PAQR5: variants seen among roughly 807,000 people sequenced by gnomAD.
PAQR5 encodes progestin and adipoQ receptor family member 5.
PAQR5 carries 20 observed loss-of-function variants against 34.5 expected under a neutral mutation model. That is an observed-to-expected ratio of 0.58 (90% confidence interval 0.41 to 0.84). PAQR5 has a LOEUF of 0.84. Among genes scored for constraint, PAQR5 ranks in the 40% least tolerant of loss-of-function variants. The probability of loss-of-function intolerance (pLI) is 0.00; values close to 1 mark genes in which losing one functional copy is unlikely to be tolerated. For synonymous variants in PAQR5, 131 were observed against 155.6 expected (o/e 0.84, Z 1.18); for missense variants, 378 against 412.7 (o/e 0.92, Z 0.73).
intron 6 of PAQR5, among the ~76,000 whole-genome samples, chr15:69,392,778 G>A (rs1281988921): frequency 2.6e-5 from 4 of 152,148 alleles, no homozygotes; most frequent in Non-Finnish European, 5.9e-5. Flanking sequence ...GGATATTGAA[G>A]GAGGTAGAAC....
At chr15:69,371,309 T>C (rs1400564387) in intron 3 of PAQR5, among the ~76,000 whole-genome samples, 1 of 152,122 alleles carries the variant, frequency 6.6e-6, no homozygotes, top group Non-Finnish European at 1.5e-5. Flanking sequence ...TTGAAGCCAG[T>C]TTGAGCAAGA....
chr15:69,368,297 C>T (rs1277072410), intron 3 of PAQR5, among the ~76,000 whole-genome samples: 2 of 152,246 alleles, frequency 1.3e-5, no homozygotes, highest in African/African-American at 4.8e-5. Flanking sequence ...AGGTGATCTG[C>T]CTGCCTTGGC....
chr15:69,312,443 C>T (rs1344980018), intron 1 of PAQR5, among the ~76,000 whole-genome samples: 1 of 151,934 alleles, frequency 6.6e-6, no homozygotes, highest in Non-Finnish European at 1.5e-5. Context: ...CTTTTGGTTA[C>T]CACATTAACA....
At chr15:69,327,654 G>A (rs1428730188) in intron 1 of PAQR5, among the ~76,000 whole-genome samples, 1 of 152,196 alleles carries the variant, frequency 6.6e-6, no homozygotes, top group Non-Finnish European at 1.5e-5. Flanking sequence ...GTTGACAACA[G>A]AGAAAGTGAG....
chr15:69,307,465 G>A (rs991492633), intron 1 of PAQR5, among the ~76,000 whole-genome samples: 1 of 152,128 alleles, frequency 6.6e-6, no homozygotes, highest in African/African-American at 2.4e-5. Flanking sequence ...GAGGGAAGGG[G>A]AGGGGAGAGG....
chr15:69,301,215 G>T (rs1365401553), intron 1 of PAQR5, among the ~76,000 whole-genome samples: 2 of 151,964 alleles, frequency 1.3e-5, no homozygotes, highest in African/African-American at 2.4e-5. Context: ...TGTTGGCCAG[G>T]TTGGTCTCGA....
chr15:69,311,578 C>T (rs926915575), intron 1 of PAQR5, among the ~76,000 whole-genome samples: 2 of 152,166 alleles, frequency 1.3e-5, no homozygotes, highest in Admixed American at 1.3e-4. Flanking sequence ...CTTTCCCTGC[C>T]CTTAGTCGCC....
chr15:69,395,732 A>C (rs1337361876), intron 6 of PAQR5, among the ~76,000 whole-genome samples: 1 of 151,858 alleles, frequency 6.6e-6, no homozygotes, highest in Non-Finnish European at 1.5e-5. Context: ...CTCCACATAA[A>C]ATCACAGTGC....
At chr15:69,324,615 T>A (rs2054204036) in intron 1 of PAQR5, among the ~76,000 whole-genome samples, 1 of 152,158 alleles carries the variant, frequency 6.6e-6, no homozygotes, top group South Asian at 2.1e-4. Flanking sequence ...CTCATCACCA[T>A]CCCTGAGGCT....
At chr15:69,310,846 G>C (rs2053813859) in intron 1 of PAQR5, among the ~76,000 whole-genome samples, 1 of 151,758 alleles carries the variant, frequency 6.6e-6, no homozygotes. Context: ...AGACCATCCT[G>C]GCTAACACGG....
intron 1 of PAQR5, among the ~76,000 whole-genome samples, chr15:69,315,475 C>T (rs1271189639): frequency 2.0e-5 from 3 of 152,220 alleles, no homozygotes; most frequent in Admixed American, 1.3e-4. Flanking sequence ...ATGGGGAAAT[C>T]TCCAGTCTCA....
intron 1 of PAQR5, among the ~76,000 whole-genome samples, chr15:69,316,521 G>A (rs1001989768): frequency 2.0e-5 from 3 of 152,220 alleles, no homozygotes; most frequent in Non-Finnish European, 4.4e-5. Context: ...TGTGAAATGT[G>A]TTACTTACGA....
Position 69,336,784 on chromosome 15 carries a change from G to A in PAQR5, c.-276-557G>A, listed in dbSNP as rs1224118184. Among the ~76,000 whole-genome samples, 6 of 152,264 alleles carry A rather than the reference G, an allele frequency of 3.9e-5. No homozygotes were observed. In the East Asian group the frequency reaches 1.2e-3, roughly 29 times the overall value. The stretch of plus-strand genomic sequence containing the variant: ...CTTTGGACTGTATTTGTATAAATAT[G>A]TTATTAGTATGTGTTCCAAAAGTTA... On this transcript the variant is annotated intron_variant, in intron 1 of 8. Transcript: ENST00000395407.
intron 1 of PAQR5, among the ~76,000 whole-genome samples, chr15:69,332,412 C>G (rs1328058333): frequency 2.6e-5 from 4 of 152,084 alleles, no homozygotes; most frequent in African/African-American, 9.7e-5. Flanking sequence ...GGGATACTTT[C>G]TCTTGGTTTC....
In PAQR5 at chr15:69,390,928, G is replaced by A. The variant is rs576498296; in HGVS notation, c.512+1148G>A. Among the ~76,000 whole-genome samples the A allele has an allele frequency of 4.6e-5, 7 of 152,040 alleles. No individual in the cohort carries two copies. In the East Asian group the frequency reaches 1.4e-3, roughly 29 times the overall value. On this transcript the variant is annotated intron_variant, in intron 6 of 8. Coordinates refer to ENST00000395407, the MANE Select transcript of PAQR5 (RefSeq NM_017705.4). ...CCAATTTATTCAGCTCTTTGTAGAA[G>A]TGAACTGCCTGAAAGTTCCTTTTCC...
At chr15:69,316,785 A>G (rs1468174339) in intron 1 of PAQR5, among the ~76,000 whole-genome samples, 2 of 152,176 alleles carry the variant, frequency 1.3e-5, no homozygotes, top group South Asian at 2.1e-4. Context: ...AGATGCTGTG[A>G]AAATTAAGTG....
chr15:69,382,823 T>C (rs866388205), intron 4 of PAQR5: 1 of 10,680 alleles, frequency 9.4e-5, no homozygotes, highest in Admixed American at 1.3e-3. Flanking sequence ...TATATATATA[T>C]ATATATATAT....
chr15:69,389,692 G>A lies in PAQR5; in HGVS notation c.424G>A (p.Ala142Thr). ...CTACTCTGCATACACGTTCCCGGAT[G>A]CGCTCATGTGCACCACTTTCCATGA... is the stretch of plus-strand genomic sequence containing the variant. ...IAYSAYTFPDALMCTTFHDYY... is the reference protein window; with the variant it reads ...IAYSAYTFPDTLMCTTFHDYY... Residue 142 changes from alanine to threonine, a missense_variant, in exon 6 of 9, where the codon GCG becomes ACG. Transcript: ENST00000395407. The A allele has an allele frequency of 6.2e-7, 1 of 1,614,190 alleles. No individual in the cohort carries two copies. Among genetic ancestry groups the A allele is most frequent in the East Asian group, 2.2e-5 (1 of 44,876 alleles).
At position 69,397,787 on chromosome 15, in the gene PAQR5, C is replaced by A; in HGVS notation, c.609+223C>A. 3 of 582,628 alleles carry A rather than the reference C, an allele frequency of 5.1e-6. No individual in the cohort carries two copies. In the South Asian group the frequency reaches 6.5e-5, roughly 13 times the overall value. The allele number at this position is 582,628 out of a possible 1,614,324, so 36.1% of individuals were successfully genotyped here. On this transcript the variant is annotated intron_variant, in intron 7 of 8. Transcript: ENST00000395407. ...TAAGAAGATTTTTCTTAGTACAGAT[C>A]AAAATGGAGTTTCTTATGTCTTCCT...
Sources: allele counts gnomAD v4.1 joint callset (sites outside exome capture counted in the v4.1 genomes callset), GRCh38; gene constraint gnomAD v4.1.1; transcripts MANE v1.5; gene names NCBI Gene and HGNC (gene_info 2026-07-23, HGNC 2026-07-21).